The following XPO1 variants were observed in gnomAD, a reference collection of about 807,000 sequenced individuals.
The protein encoded by XPO1 is exportin-1.
A neutral mutation model predicts 133.3 loss-of-function variants in XPO1; 5 were observed. The observed-to-expected ratio is 0.04, with a 90% CI of 0.02 to 0.08. The LOEUF (loss-of-function observed/expected upper bound fraction) is 0.08. Among genes scored for constraint, XPO1 ranks in the 10% least tolerant of loss-of-function variants. The pLI is 1.00. For missense variants in XPO1, 506 were observed against 1,267.5 expected, an observed-to-expected ratio of 0.40 and a Z score of 9.12; for synonymous variants, 419 against 408.2, an observed-to-expected ratio of 1.03 and a Z score of -0.32.
intron 2 of XPO1, among the ~76,000 whole-genome samples, chr2:61,529,624 T>G (rs1407573249): frequency 6.7e-6 from 1 of 150,272 alleles, no homozygotes; most frequent in East Asian, 1.9e-4. Context: ...ATCACACCAC[T>G]GCACTCCAGC....
intron 23 of XPO1, 78 bp downstream of exon 23, chr2:61,482,301 TC>T: frequency 7.3e-7 from 1 of 1,363,472 alleles, no homozygotes; most frequent in Non-Finnish European, 9.9e-7. Context: ...ACCTTAGGCT[TC>T]CCAAAGTGCT....
At position 61,510,132 on chromosome 2, in the gene XPO1, C is replaced by A. The variant is rs1698016727; in HGVS notation, c.302-7822G>T. The stretch of plus-strand genomic sequence containing the variant: ...TGTCTATTAAAATACAAAAAAATAG[C>A]CAGGCATGGTGGTGCACACCTGTAG... On this transcript the variant is annotated intron_variant, in intron 4 of 24. Transcript: ENST00000401558. Among the ~76,000 whole-genome samples the A allele has an allele frequency of 3.9e-5, 6 of 151,966 alleles. 1 individual carries two copies. The highest frequency in any genetic ancestry group is 1.2e-4 in the African/African-American group (5 of 41,358).
At chr2:61,520,501 A>T in intron 4 of XPO1, among the ~76,000 whole-genome samples, 1 of 151,596 alleles carries the variant, frequency 6.6e-6, no homozygotes, top group Non-Finnish European at 1.5e-5. Flanking sequence ...AAAAAAAAAA[A>T]TTTAGTAGGG....
At chr2:61,490,289 C>G (rs1418182439) in intron 17 of XPO1, among the ~76,000 whole-genome samples, 1 of 151,330 alleles carries the variant, frequency 6.6e-6, no homozygotes, top group Non-Finnish European at 1.5e-5. Context: ...ACCTCTGCCT[C>G]TTGGGTTCAA....
intron 17 of XPO1, among the ~76,000 whole-genome samples, chr2:61,489,071 C>T (rs1696835819): frequency 6.6e-6 from 1 of 150,984 alleles, no homozygotes; most frequent in Non-Finnish European, 1.5e-5. Context: ...CACTGCACTC[C>T]AGCCTGGGCG....
Position 61,498,925 on chromosome 2 carries a change from AACAC to A in XPO1, c.591-16_591-13del. On this transcript the variant is annotated splice_polypyrimidine_tract_variant and intron_variant, in intron 7 of 24. Transcript: ENST00000401558. ...ATTCATTGCACATGCTAAAAAAAAA[AACAC>A]ACAAAAATATCAGATTTAGAAGACA... 1 of 1,572,376 alleles carries A rather than the reference AACAC, an allele frequency of 6.4e-7. No individual in the cohort carries two copies. The highest frequency in any genetic ancestry group is 8.6e-7 in the Non-Finnish European group (1 of 1,161,926).
At chr2:61,536,702 G>A (rs1699367506) in intron 1 of XPO1, 2 of 152,236 alleles carry the variant, frequency 1.3e-5, no homozygotes, top group Non-Finnish European at 2.9e-5. Flanking sequence ...ACAGGAGCAC[G>A]CACTCACCCC....
intron 17 of XPO1, among the ~76,000 whole-genome samples, chr2:61,490,215 T>TG (rs1696908713): frequency 6.7e-6 from 1 of 150,234 alleles, no homozygotes; most frequent in East Asian, 2.0e-4. Context: ...TTTTTTTTTT[T>TG]TGAGACAGAG....
At chr2:61,525,342 A>G (rs1698868427) in intron 3 of XPO1, 4 of 987,792 alleles carry the variant, frequency 4.0e-6, no homozygotes, top group Admixed American at 6.1e-5. Flanking sequence ...TCCTATTACA[A>G]GCAATCAACA....
At chr2:61,514,239 T>C (rs990727557) in intron 4 of XPO1, among the ~76,000 whole-genome samples, 5 of 149,946 alleles carry the variant, frequency 3.3e-5, no homozygotes, top group Non-Finnish European at 5.9e-5. Context: ...ACCAAAAACA[T>C]ACTGGCATGG....
At position 61,487,644 on chromosome 2, in the gene XPO1, T is replaced by TA. The variant is rs1268872671; in HGVS notation, c.2313+520dup. On this transcript the variant is annotated intron_variant, in intron 19 of 24. Transcript: ENST00000401558. ...AATAACAAGAATGAAACGATACAGT[T>TA]AAAACCTAAAACTAATTCACAATTT... Among the ~76,000 whole-genome samples, 3 of 152,210 alleles carry TA rather than the reference T, an allele frequency of 2.0e-5. No homozygotes were observed. The East Asian group carries it at 5.8e-4, about 29-fold the overall frequency.
rs1454561904 is a variant in XPO1 at position 61,478,363 on chromosome 2, C to CAATG, written c.*453_*456dup. The CAATG allele has an allele frequency of 4.2e-6, 1 of 238,722 alleles. No homozygotes were observed. The highest frequency in any genetic ancestry group is 2.2e-5 in the African/African-American group (1 of 45,372). 14.8% of individuals were successfully genotyped at this position (238,722 alleles called of 1,614,324 possible). On this transcript the variant is annotated 3_prime_UTR_variant, in exon 25 of 25. Transcript: ENST00000401558. The stretch of plus-strand genomic sequence containing the variant: ...CAGTCCAAGAGGTGCTAACTTCAGA[C>CAATG]AATGCAGCACTATAATCCTTTAAAC...
At position 61,478,939 on chromosome 2, in the gene XPO1, A is replaced by G. The variant is rs111951584; in HGVS notation, c.3097T>C (p.Leu1033=). 1.2e-6 allele frequency: 2 copies of G among 1,613,840 alleles called. No homozygotes were observed. Among genetic ancestry groups the G allele is most frequent in the African/African-American group, 1.3e-5 (1 of 74,934 alleles). The part of the protein sequence containing the change: ...KEFAGEDTSD[L]FLEEREIALR... ...GCTATTTCTCTCTCTTCCAAAAACAAATCAGAAGTGTCTTCACCTGCAAAT... is the reference window on the plus strand; with the variant it reads ...GCTATTTCTCTCTCTTCCAAAAACAGATCAGAAGTGTCTTCACCTGCAAAT... Residue 1033 remains leucine (L), a synonymous_variant, in exon 25 of 25, where the codon TTG becomes CTG. Transcript: ENST00000401558.
chr2:61,508,811 A>C (rs1697948323), intron 4 of XPO1, among the ~76,000 whole-genome samples: 1 of 152,242 alleles, frequency 6.6e-6, no homozygotes, highest in Non-Finnish European at 1.5e-5. Context: ...ATAGTCAGTG[A>C]TAGTCATGCA....
intron 1 of XPO1, among the ~76,000 whole-genome samples, 168 bp downstream of exon 1, chr2:61,537,394 T>A (rs1177726913): frequency 6.7e-6 from 1 of 149,638 alleles, no homozygotes; most frequent in African/African-American, 2.4e-5. Flanking sequence ...CAAAAGCGGC[T>A]CCATTCAATC....
At chr2:61,499,583 T>G (rs147468669) in intron 7 of XPO1, 130 bp downstream of exon 7, 3 of 905,098 alleles carry the variant, frequency 3.3e-6, no homozygotes, top group South Asian at 2.0e-5. Flanking sequence ...TAATCTGCAG[T>G]TGAAAACCAC....
Position 61,488,869 on chromosome 2 carries a change from A to C in XPO1, c.2023-98T>G, listed in dbSNP as rs1696820979. ...GTAATCCCAGCACTCTGAGAGGCCG[A>C]GGCGGGCGGATGATGAGTTCAGGAG... is the stretch of plus-strand genomic sequence containing the variant. On this transcript the variant is annotated intron_variant, in intron 17 of 24. Transcript: ENST00000401558. 2.3e-6 allele frequency: 3 copies of C among 1,312,840 alleles called. No homozygotes were observed. In the African/African-American group the frequency reaches 4.4e-5, roughly 19 times the overall value. The allele number at this position is 1,312,840 out of a possible 1,614,324, so 81.3% of individuals were successfully genotyped here.
At chr2:61,522,762 AT>A in intron 3 of XPO1, 79 bp from the exon 4 acceptor site, 1 of 1,000,036 alleles carries the variant, frequency 1.0e-6, no homozygotes, top group Non-Finnish European at 1.6e-6. Flanking sequence ...ATGGACAGAC[AT>A]TCACACATTT....
At chr2:61,490,507 A>T in intron 17 of XPO1, 135 bp downstream of exon 17, 1 of 1,282,644 alleles carries the variant, frequency 7.8e-7, no homozygotes, top group Non-Finnish European at 1.1e-6. Flanking sequence ...CCCAGATAAT[A>T]AATTATAGAA....
Sources: allele counts gnomAD v4.1 joint callset (sites outside exome capture counted in the v4.1 genomes callset), GRCh38; gene constraint gnomAD v4.1.1; transcripts MANE v1.5; gene names NCBI Gene and HGNC (gene_info 2026-07-23, HGNC 2026-07-21).